Variants in PTPRU observed in about 807,000 individuals in gnomAD.
The protein encoded by PTPRU is receptor-type tyrosine-protein phosphatase U.
PTPRU carries 69 observed loss-of-function variants against 166.3 expected under a neutral mutation model. The ratio of observed to expected loss-of-function variants is 0.41; its 90% CI spans 0.34 to 0.51. PTPRU has a LOEUF of 0.51. Among genes scored for constraint, PTPRU ranks in the 20% least tolerant of loss-of-function variants. The pLI is 0.09. For synonymous variants in PTPRU, 793 were observed against 814.0 expected, an observed-to-expected ratio of 0.97 and a Z score of 0.44; for missense variants, 1,657 against 2,013.7, an observed-to-expected ratio of 0.82 and a Z score of 3.39.
intron 1 of PTPRU, among the ~76,000 whole-genome samples, chr1:29,253,991 A>T (rs1337776083): frequency 1.3e-5 from 2 of 152,198 alleles, no homozygotes; most frequent in Non-Finnish European, 2.9e-5. Flanking sequence ...GGCAAATTGC[A>T]GTCAAGATTT....
chr1:29,311,157 G>A lies in PTPRU; in HGVS notation c.2858-299G>A, dbSNP rs533517393. Among the ~76,000 whole-genome samples the A allele has an allele frequency of 6.6e-6, 1 of 152,224 alleles. No individual in the cohort carries two copies. Among genetic ancestry groups the A allele is most frequent in the East Asian group, 1.9e-4 (1 of 5,176 alleles). Reference sequence around the variant, plus strand: ...TTCTTCTGTTTGCATCCCTTTCCACGACTGTCCATCTGTCTGTCCCTCCTG... The same window carrying A: ...TTCTTCTGTTTGCATCCCTTTCCACAACTGTCCATCTGTCTGTCCCTCCTG... On this transcript the variant is annotated intron_variant, in intron 19 of 29. Transcript: ENST00000373779. This position sits in a 1 kb window ranked among gnomAD's most constrained non-coding sequence, Gnocchi z 4.1.
chr1:29,279,235 G>C lies in PTPRU; in HGVS notation c.1563+114G>C. 3 of 1,099,570 alleles carry C rather than the reference G, an allele frequency of 2.7e-6. No homozygotes were observed. The Admixed American group carries it at 6.5e-5, about 24-fold the overall frequency. 68.1% of individuals were successfully genotyped at this position (1,099,570 alleles called of 1,614,324 possible). ...TGGGAGGACAGATGTGATTGTCATAGTTTCTTCAACTATGGCCAGGTCTGT... is the reference window on the plus strand; with the variant it reads ...TGGGAGGACAGATGTGATTGTCATACTTTCTTCAACTATGGCCAGGTCTGT... On this transcript the variant is annotated intron_variant, in intron 9 of 29. Transcript: ENST00000373779. The surrounding 1 kb of genome is among the most constrained non-coding windows in gnomAD (Gnocchi z 5.2).
Position 29,260,867 on chromosome 1 carries a change from C to T in PTPRU, c.1108C>T (p.Pro370Ser). The T allele has an allele frequency of 1.9e-6, 3 of 1,596,994 alleles. No homozygotes were observed. Among genetic ancestry groups the T allele is most frequent in the Non-Finnish European group, 2.6e-6 (3 of 1,173,940 alleles). Reference sequence around the variant, plus strand: ...TCCCGGAGACGGCGGCACTGGCCGCCCTGGGCCACCCCTCATCAGCCGCAC... The same window carrying T: ...TCCCGGAGACGGCGGCACTGGCCGCTCTGGGCCACCCCTCATCAGCCGCAC... ...TRPGDGGTGR[P>S]GPPLISRTKC... Residue 370 changes from proline (P) to serine (S), a missense_variant, in exon 7 of 30, where the codon CCT becomes TCT. Around this residue, in one of 3 missense-constraint regions of PTPRU, gnomAD observed 1,190 missense variants for 1,477.4 expected, o/e 0.81. Coordinates refer to ENST00000373779, the MANE Select transcript of PTPRU (RefSeq NM_133178.4). This position sits in a 1 kb window ranked among gnomAD's most constrained non-coding sequence, Gnocchi z 8.3.
intron 19 of PTPRU, 135 bp downstream of exon 19, chr1:29,310,915 C>T: frequency 8.9e-7 from 1 of 1,128,916 alleles, no homozygotes; most frequent in South Asian, 1.2e-5. Context: ...CATATTCTGG[C>T]TCCCTGCTTG....
chr1:29,313,718 G>C (rs1220648994), intron 22 of PTPRU, among the ~76,000 whole-genome samples: 1 of 152,094 alleles, frequency 6.6e-6, no homozygotes, highest in Non-Finnish European at 1.5e-5. Context: ...AGTGGGTTGT[G>C]GTGGCACAAG....
In PTPRU at chr1:29,311,382, G is replaced by A; in HGVS notation, c.2858-74G>A. ...GCCTCCTGGCCTGGGGTGTGGTGCT[G>A]GATGGTGCTGGATGTGCTGACCTGG... On this transcript the variant is annotated intron_variant, in intron 19 of 29. Transcript: ENST00000373779. This position sits in a 1 kb window ranked among gnomAD's most constrained non-coding sequence, Gnocchi z 4.1. 1 of 1,453,892 alleles carries A rather than the reference G, an allele frequency of 6.9e-7. No homozygotes were observed. Among genetic ancestry groups the A allele is most frequent in the Non-Finnish European group, 9.6e-7 (1 of 1,046,112 alleles). The allele number at this position is 1,453,892 out of a possible 1,614,324, so 90.1% of individuals were successfully genotyped here.
chr1:29,272,425 G>A (rs991945080), intron 7 of PTPRU, among the ~76,000 whole-genome samples: 19 of 152,164 alleles, frequency 1.2e-4, no homozygotes, highest in African/African-American at 2.2e-4. Context: ...GAGACATGCT[G>A]CTTGCCTGCA....
At chr1:29,277,260 C>T (rs1685847068) in intron 8 of PTPRU, among the ~76,000 whole-genome samples, 1 of 152,114 alleles carries the variant, frequency 6.6e-6, no homozygotes, top group Admixed American at 6.6e-5. Flanking sequence ...GCCACCACGC[C>T]TGGCTAATTT....
At chr1:29,322,428 C>T (rs753179797) in intron 26 of PTPRU, among the ~76,000 whole-genome samples, 13 of 152,168 alleles carry the variant, frequency 8.5e-5, no homozygotes, top group East Asian at 1.9e-4. Flanking sequence ...GATCATGTAT[C>T]GGCGATGGCT....
intron 4 of PTPRU, 36 bp from the exon 5 acceptor site, chr1:29,259,413 G>T: frequency 4.4e-6 from 7 of 1,607,518 alleles, no homozygotes; most frequent in Non-Finnish European, 5.1e-6. Context: ...TGCAGGGGGT[G>T]CAGGCCCAGC....
intron 18 of PTPRU, among the ~76,000 whole-genome samples, chr1:29,309,181 A>G (rs1014665788): frequency 8.5e-5 from 13 of 152,300 alleles, no homozygotes; most frequent in African/African-American, 3.1e-4. Flanking sequence ...AGGAGAACAA[A>G]GGCTTAGAGA....
chr1:29,320,346 A>G lies in PTPRU; in HGVS notation c.3688-339A>G, dbSNP rs890196200. On this transcript the variant is annotated intron_variant, in intron 25 of 29. Transcript: ENST00000373779. The surrounding 1 kb of genome is among the most constrained non-coding windows in gnomAD (Gnocchi z 5.2). ...GGGAAATTTGGCCTAGGCAGCCAAA[A>G]TAGCAGATGCCGAAGCGCGGAGGCA... 2.1e-5 allele frequency: 5 copies of G among 232,802 alleles called. No individual in the cohort carries two copies. The highest frequency in any genetic ancestry group is 1.1e-4 in the African/African-American group (5 of 44,586). 14.4% of individuals were successfully genotyped at this position (232,802 alleles called of 1,614,324 possible).
At position 29,259,301 on chromosome 1, in the gene PTPRU, A is replaced by C; in HGVS notation, c.518A>C (p.Tyr173Ser). ...CTCATCTCCCCAGACCGCAGGGGCT[A>C]CATGGGCCTAGATGACATCCTGCTT... ...EALISPDRRG[Y>S]MGLDDILLLS... Residue 173 changes from tyrosine (Y) to serine (S), a missense_variant, in exon 4 of 30, where the codon TAC (tyrosine) becomes TCC (serine). Transcript: ENST00000373779. The C allele has an allele frequency of 6.2e-7, 1 of 1,614,104 alleles. No individual in the cohort carries two copies. Among genetic ancestry groups the C allele is most frequent in the Non-Finnish European group, 8.5e-7 (1 of 1,179,984 alleles).
At chr1:29,293,956 G>A (rs769684359) in intron 15 of PTPRU, among the ~76,000 whole-genome samples, 1 of 152,130 alleles carries the variant, frequency 6.6e-6, no homozygotes, top group African/African-American at 2.4e-5. Context: ...GTTTCCCATT[G>A]TATGGCTGTA....
intron 18 of PTPRU, among the ~76,000 whole-genome samples, chr1:29,308,924 G>T (rs1446093694): frequency 2.0e-5 from 3 of 152,130 alleles, no homozygotes; most frequent in Non-Finnish European, 4.4e-5. Flanking sequence ...AGCTACTTGG[G>T]AGGTTGAGGT....
At chr1:29,282,377 T>G (rs923629440) in intron 11 of PTPRU, among the ~76,000 whole-genome samples, 1 of 152,136 alleles carries the variant, frequency 6.6e-6, no homozygotes, top group Admixed American at 6.5e-5. Context: ...TTGAGCAGGG[T>G]CCACGATCCT....
Position 29,287,102 on chromosome 1 carries a change from T to A in PTPRU, c.2318+2233T>A, listed in dbSNP as rs1443628825. Among the ~76,000 whole-genome samples, 3 of 151,984 alleles carry A rather than the reference T, an allele frequency of 2.0e-5. No individual in the cohort carries two copies. In the East Asian group the frequency reaches 5.8e-4, roughly 29 times the overall value. ...AGTAGGAAGTTGCTGAGGAGGGCAG[T>A]TACCACGCCCCCAGGAGGGAGTCCC... On this transcript the variant is annotated intron_variant, in intron 14 of 29. Coordinates refer to ENST00000373779, the MANE Select transcript of PTPRU (RefSeq NM_133178.4).
intron 15 of PTPRU, among the ~76,000 whole-genome samples, chr1:29,303,313 C>G (rs1282167650): frequency 6.6e-6 from 1 of 152,222 alleles, no homozygotes; most frequent in African/African-American, 2.4e-5. Flanking sequence ...ACCCACTCCC[C>G]CACTGGCTGC....
At chr1:29,244,521 C>T (rs1266740373) in intron 1 of PTPRU, among the ~76,000 whole-genome samples, 1 of 152,018 alleles carries the variant, frequency 6.6e-6, no homozygotes, top group East Asian at 1.9e-4. Flanking sequence ...AAATACATTG[C>T]TTAGAATGTG....
Sources: gnomAD v4.1 joint callset for allele counts (sites outside exome capture counted in the v4.1 genomes callset) on GRCh38, gnomAD v4.1.1 for gene constraint, gnomAD v4.1.1 regional missense constraint, Gnocchi (gnomAD v3.1) non-coding constraint, MANE v1.5 for transcripts, NCBI Gene and HGNC (gene_info 2026-07-23, HGNC 2026-07-21) for gene names.